NTM: variants seen among roughly 807,000 people sequenced by gnomAD.
NTM encodes the protein IgLON family member 2.
In NTM, 13 loss-of-function variants were observed where a neutral mutation model predicts 42.1. The ratio of observed to expected loss-of-function variants is 0.31; its 90% CI spans 0.20 to 0.49. The LOEUF is 0.49. NTM is among the 20% of genes least tolerant of loss of function. The pLI is 0.99. For missense variants in NTM, 373 were observed against 452.8 expected (o/e 0.82, Z 1.60); for synonymous variants, 187 against 179.2 (o/e 1.04, Z -0.35).
At chr11:132,226,916 T>C (rs2086423090) in intron 4 of NTM, among the ~76,000 whole-genome samples, 1 of 152,236 alleles carries the variant, frequency 6.6e-6, no homozygotes, top group African/African-American at 2.4e-5. Context: ...AATATACTAT[T>C]CTTGTCCATC....
At chr11:131,882,877 T>A (rs1285455694) in intron 1 of NTM, among the ~76,000 whole-genome samples, 1 of 145,016 alleles carries the variant, frequency 6.9e-6, no homozygotes, top group Non-Finnish European at 1.5e-5. Context: ...TACTTCACTG[T>A]TTTTTTTTCT....
chr11:131,952,859 T>G (rs762743305), intron 2 of NTM, among the ~76,000 whole-genome samples: 3 of 152,206 alleles, frequency 2.0e-5, no homozygotes, highest in Non-Finnish European at 2.9e-5. Flanking sequence ...ATTTCTCTCT[T>G]CTTGCCCTTG....
At chr11:131,956,424 A>T (rs2061560346) in intron 2 of NTM, among the ~76,000 whole-genome samples, 1 of 152,144 alleles carries the variant, frequency 6.6e-6, no homozygotes, top group South Asian at 2.1e-4. Flanking sequence ...TTCTCAGTAG[A>T]GGTGATTTCA....
intron 1 of NTM, among the ~76,000 whole-genome samples, chr11:131,383,105 T>A (rs1591516940): frequency 6.6e-6 from 1 of 152,190 alleles, no homozygotes; most frequent in African/African-American, 2.4e-5. Flanking sequence ...TATTTTTCGA[T>A]CCCGATGAGA....
intron 1 of NTM, among the ~76,000 whole-genome samples, chr11:131,734,740 TAAAC>T (rs566060871): frequency 7.2e-5 from 11 of 152,172 alleles, no homozygotes; most frequent in Non-Finnish European, 1.6e-4. Context: ...TCATTATTAA[TAAAC>T]TAAATAACTA....
intron 1 of NTM, among the ~76,000 whole-genome samples, chr11:131,558,860 T>C (rs1458115913): frequency 6.6e-6 from 1 of 152,138 alleles, no homozygotes; most frequent in African/African-American, 2.4e-5. Flanking sequence ...AGATGGAAGA[T>C]TGATTTCAGG....
At chr11:131,375,828 A>G (rs1941900006) in intron 1 of NTM, among the ~76,000 whole-genome samples, 2 of 151,854 alleles carry the variant, frequency 1.3e-5, no homozygotes, top group African/African-American at 2.4e-5. Context: ...TATTTATGCA[A>G]CCCTCTGGAT....
Position 131,873,600 on chromosome 11 carries a change from A to G in NTM, c.83-37964A>G, listed in dbSNP as rs547019560. Among the ~76,000 whole-genome samples the G allele has an allele frequency of 2.5e-3, 255 of 100,508 alleles. 5 individuals carry two copies. Among genetic ancestry groups the G allele is most frequent in the East Asian group, 0.019 (45 of 2,362 alleles). The allele number at this position is 100,508 out of a possible 152,430, so 65.9% of individuals were successfully genotyped here. A position where few individuals can be genotyped will look rare whatever the true frequency, so the allele number is the denominator to read the frequency against. On this transcript the variant is annotated intron_variant, in intron 1 of 8. Transcript: ENST00000683400. The stretch of plus-strand genomic sequence containing the variant: ...ATATATATATACCGTATATATATAC[A>G]TATATATATACCGTATATATATACA...
intron 1 of NTM, among the ~76,000 whole-genome samples, chr11:131,881,988 CAATT>C (rs1157408160): frequency 6.6e-6 from 1 of 152,184 alleles, no homozygotes; most frequent in African/African-American, 2.4e-5. Context: ...TGCCTAACAT[CAATT>C]AATTGCGATT....
Position 131,673,763 on chromosome 11 carries a change from G to A in NTM, c.83-237801G>A, listed in dbSNP as rs544956312. On this transcript the variant is annotated intron_variant, in intron 1 of 8. Coordinates refer to ENST00000683400, the MANE Select transcript of NTM (RefSeq NM_001352005.2). ...CAGCATGGCAGCCCTCCACTCTCTC[G>A]GCTCTCCTTCCTGAGGCTGGAGAAC... 6.6e-4 allele frequency among the ~76,000 whole-genome samples: 101 copies of A among 152,198 alleles called. 5 individuals carry two copies. In the South Asian group the frequency reaches 0.02, roughly 30 times the overall value.
At chr11:132,173,181 T>C (rs933514093) in intron 3 of NTM, among the ~76,000 whole-genome samples, 4 of 152,256 alleles carry the variant, frequency 2.6e-5, no homozygotes, top group Non-Finnish European at 4.4e-5. Context: ...AGACAACATG[T>C]AATAATACAA....
intron 1 of NTM, among the ~76,000 whole-genome samples, chr11:131,694,928 G>A (rs1469281231): frequency 6.6e-6 from 1 of 152,184 alleles, no homozygotes; most frequent in Non-Finnish European, 1.5e-5. Flanking sequence ...CCTCGCAGCC[G>A]GAATGGGGCC....
Position 131,582,163 on chromosome 11 carries a change from T to C in NTM, c.82+211275T>C, listed in dbSNP as rs368417728. 19 of 152,300 alleles carry C rather than the reference T, an allele frequency of 1.2e-4. No homozygotes were observed. In the East Asian group the frequency reaches 3.5e-3, roughly 28 times the overall value. 9.4% of individuals were successfully genotyped at this position (152,300 alleles called of 1,614,324 possible). ...CGAGTTCTGCTCCCAGCCTCTAAAATGCAGAACGGGCTGCTGCTTTCAAAG... is the reference window on the plus strand; with the variant it reads ...CGAGTTCTGCTCCCAGCCTCTAAAACGCAGAACGGGCTGCTGCTTTCAAAG... On this transcript the variant is annotated intron_variant, in intron 1 of 8. Coordinates refer to ENST00000683400, the MANE Select transcript of NTM (RefSeq NM_001352005.2).
At chr11:131,911,023 TC>T in intron 1 of NTM, 1 of 1,024,108 alleles carries the variant, frequency 9.8e-7, no homozygotes, top group Non-Finnish European at 1.2e-6. Context: ...GTGTTGGATG[TC>T]CCCCGTTCGA....
At chr11:131,440,483 A>G (rs1949523814) in intron 1 of NTM, among the ~76,000 whole-genome samples, 2 of 152,060 alleles carry the variant, frequency 1.3e-5, no homozygotes, top group South Asian at 4.1e-4. Context: ...TTTATTACCA[A>G]GTGGTTCTCA....
At chr11:131,587,680 A>G (rs1565671344) in intron 1 of NTM, among the ~76,000 whole-genome samples, 1 of 152,132 alleles carries the variant, frequency 6.6e-6, no homozygotes, top group Non-Finnish European at 1.5e-5. Flanking sequence ...GTCATAACAC[A>G]CACCTGCATG....
chr11:131,394,438 G>A (rs943785955), intron 1 of NTM, among the ~76,000 whole-genome samples: 5 of 152,150 alleles, frequency 3.3e-5, no homozygotes, highest in African/African-American at 9.7e-5. Flanking sequence ...AAGTCAGAGC[G>A]AGAAGGAGAG....
Position 132,097,369 on chromosome 11 carries a change from C to T in NTM, c.168-48913C>T, listed in dbSNP as rs11222918. On this transcript the variant is annotated intron_variant, in intron 2 of 8. Transcript: ENST00000683400. ...TAGCCTCACTTGGCTGTTGGTGCCA[C>T]GTCGGCCAGGATGCTGGGGACACTC... Among the ~76,000 whole-genome samples, 444 of 152,284 alleles carry T rather than the reference C, an allele frequency of 2.9e-3. 2 individuals carry two copies. Among genetic ancestry groups the T allele is most frequent in the Non-Finnish European group, 4.5e-3 (306 of 68,018 alleles).
At chr11:131,873,104 A>G (rs535190870) in intron 1 of NTM, among the ~76,000 whole-genome samples, 1 of 152,312 alleles carries the variant, frequency 6.6e-6, no homozygotes, top group South Asian at 2.1e-4. Context: ...AAAGACTTGG[A>G]ACCAACCCAA....
Sources: gnomAD v4.1 joint callset for allele counts (sites outside exome capture counted in the v4.1 genomes callset) on GRCh38, gnomAD v4.1.1 for gene constraint, MANE v1.5 for transcripts, NCBI Gene and HGNC (gene_info 2026-07-23, HGNC 2026-07-21) for gene names.